Variants in SBF2 observed in about 807,000 individuals in gnomAD.
The protein encoded by SBF2 is SET binding factor 2, also known as myotubularin-related protein 13.
In SBF2, 112 loss-of-function variants were observed where a neutral mutation model predicts 225.2. The observed-to-expected ratio is 0.50, with a 90% confidence interval of 0.43 to 0.58. SBF2 has a LOEUF of 0.58. Among genes scored for constraint, SBF2 ranks in the 20% least tolerant of loss-of-function variants. The pLI is 0.00. For missense variants in SBF2, 1,996 were observed against 2,206.2 expected (o/e 0.90, Z 1.91); for synonymous variants, 763 against 773.3 (o/e 0.99, Z 0.22).
At chr11:10,036,278 G>A (rs1949434518) in intron 3 of SBF2, among the ~76,000 whole-genome samples, 1 of 152,100 alleles carries the variant, frequency 6.6e-6, no homozygotes. Flanking sequence ...GTGGGGTTAG[G>A]GGAGCGATAG....
intron 2 of SBF2, among the ~76,000 whole-genome samples, chr11:10,065,121 C>A (rs79044582): frequency 2.6e-5 from 4 of 152,030 alleles, no homozygotes; most frequent in Non-Finnish European, 5.9e-5. Context: ...ACAGAAATAT[C>A]TCTTGAAAAA....
intron 14 of SBF2, among the ~76,000 whole-genome samples, chr11:9,966,245 C>T (rs1182431561): frequency 3.3e-5 from 5 of 152,048 alleles, no homozygotes; most frequent in African/African-American, 1.2e-4. Flanking sequence ...CATACCACCA[C>T]GCCTGGCTAA....
chr11:10,098,925 A>T (rs1952165230), intron 2 of SBF2, among the ~76,000 whole-genome samples: 1 of 152,108 alleles, frequency 6.6e-6, no homozygotes, highest in South Asian at 2.1e-4. Flanking sequence ...CCAAACCAAA[A>T]TATGCATGAT....
At chr11:10,188,525 G>A (rs932738960) in intron 2 of SBF2, among the ~76,000 whole-genome samples, 4 of 152,124 alleles carry the variant, frequency 2.6e-5, no homozygotes, top group East Asian at 3.8e-4. Context: ...AGTGAAGTAC[G>A]TGACTGTAGG....
At chr11:10,034,099 G>C (rs1213366389) in intron 3 of SBF2, among the ~76,000 whole-genome samples, 1 of 151,988 alleles carries the variant, frequency 6.6e-6, no homozygotes, top group Non-Finnish European at 1.5e-5. Context: ...ATTATTCCTT[G>C]CTTTTAGTAG....
chr11:10,143,232 C>T (rs1271328640), intron 2 of SBF2, among the ~76,000 whole-genome samples: 7 of 151,850 alleles, frequency 4.6e-5, no homozygotes, highest in Admixed American at 2.6e-4. Flanking sequence ...AGTGCAATGG[C>T]GCAATCTCGG....
At chr11:10,287,212 G>A (rs1245919163) in intron 1 of SBF2, among the ~76,000 whole-genome samples, 1 of 152,190 alleles carries the variant, frequency 6.6e-6, no homozygotes, top group Non-Finnish European at 1.5e-5. Flanking sequence ...CCAGATGCTA[G>A]AAAGGGAACT....
intron 17 of SBF2, among the ~76,000 whole-genome samples, chr11:9,883,792 T>A (rs1860024838): frequency 6.6e-6 from 1 of 152,108 alleles, no homozygotes; most frequent in Admixed American, 6.5e-5. Context: ...AAAATAAGTA[T>A]CCCTCATTTT....
At chr11:10,179,489 T>C (rs1214662523) in intron 2 of SBF2, among the ~76,000 whole-genome samples, 2 of 152,156 alleles carry the variant, frequency 1.3e-5, no homozygotes, top group Non-Finnish European at 2.9e-5. Context: ...GGAGAACATA[T>C]ATTCTGTAGC....
At chr11:10,301,931 A>G (rs4399321) in intron 1 of SBF2, among the ~76,000 whole-genome samples, 41,831 of 152,174 alleles carry the variant, frequency 0.27, 6,518 homozygotes, top group Non-Finnish European at 0.36. Context: ...TTGTAATCTG[A>G]CCTTTTGAAA....
intron 1 of SBF2, among the ~76,000 whole-genome samples, chr11:10,293,237 T>C (rs1479962838): frequency 6.6e-6 from 1 of 152,242 alleles, no homozygotes; most frequent in Non-Finnish European, 1.5e-5. Context: ...TCTTAAGTTG[T>C]GGAAGTCCGT....
intron 32 of SBF2, among the ~76,000 whole-genome samples, chr11:9,798,782 T>C (rs1853293678): frequency 6.6e-6 from 1 of 151,970 alleles, no homozygotes; most frequent in Non-Finnish European, 1.5e-5. Flanking sequence ...CTGTCTCTAC[T>C]AAAAATACAA....
chr11:10,176,807 T>G (rs184415443), intron 2 of SBF2, among the ~76,000 whole-genome samples: 4 of 151,980 alleles, frequency 2.6e-5, no homozygotes, highest in African/African-American at 9.7e-5. Flanking sequence ...TTCCAATCAA[T>G]AGAAAAAGAA....
At chr11:10,218,320 A>AACC (rs1958208086) in intron 1 of SBF2, among the ~76,000 whole-genome samples, 2 of 76,552 alleles carry the variant, frequency 2.6e-5, no homozygotes, top group Non-Finnish European at 5.3e-5. Context: ...GGAAAGACCC[A>AACC]CCCCCCCCCC....
intron 16 of SBF2, chr11:9,958,711 G>A (rs937002027): frequency 1.6e-5 from 6 of 376,658 alleles, no homozygotes; most frequent in Non-Finnish European, 2.7e-5. Flanking sequence ...GTACTAGGAG[G>A]GGCTTGACAG....
intron 38 of SBF2, among the ~76,000 whole-genome samples, chr11:9,783,445 T>C (rs1852166079): frequency 2.0e-5 from 3 of 152,186 alleles, no homozygotes; most frequent in Non-Finnish European, 4.4e-5. Flanking sequence ...TTCCATTTTA[T>C]AGATAAATGC....
chr11:10,224,727 C>T (rs939986492), intron 1 of SBF2, among the ~76,000 whole-genome samples: 14 of 152,108 alleles, frequency 9.2e-5, no homozygotes, highest in Non-Finnish European at 1.5e-4. Flanking sequence ...TTCAGAGTAC[C>T]TACCCTGACC....
intron 21 of SBF2, among the ~76,000 whole-genome samples, chr11:9,851,074 T>C (rs1462802246): frequency 6.9e-6 from 1 of 144,690 alleles, no homozygotes; most frequent in African/African-American, 2.5e-5. Flanking sequence ...AGGGGGAGGT[T>C]GCAGTGAGCC....
intron 13 of SBF2, among the ~76,000 whole-genome samples, chr11:9,970,137 G>A (rs1867230904): frequency 6.6e-6 from 1 of 151,854 alleles, no homozygotes; most frequent in Non-Finnish European, 1.5e-5. Context: ...TTTGCGACCA[G>A]AAAATTCCTT....
Sources: allele counts gnomAD v4.1 joint callset (sites outside exome capture counted in the v4.1 genomes callset), GRCh38; gene constraint gnomAD v4.1.1; transcripts MANE v1.5; gene names NCBI Gene and HGNC (gene_info 2026-07-23, HGNC 2026-07-21).